DGKB: variants seen among roughly 807,000 people sequenced by gnomAD.
The protein encoded by DGKB is 90 kDa diacylglycerol kinase.
Under a neutral mutation model 114.3 loss-of-function variants are expected in DGKB, and 67 were observed. The observed-to-expected ratio is 0.59, with a 90% CI of 0.48 to 0.72. The LOEUF is 0.72. DGKB is among the 30% of genes least tolerant of loss of function. The probability of loss-of-function intolerance (pLI) is 0.00; values close to 1 mark genes in which losing one functional copy is unlikely to be tolerated. For synonymous variants in DGKB, 398 were observed against 323.1 expected, an observed-to-expected ratio of 1.23 and a Z score of -2.49; for missense variants, 907 against 975.2, an observed-to-expected ratio of 0.93 and a Z score of 0.93.
At chr7:14,393,021 C>T (rs190561223) in intron 21 of DGKB, among the ~76,000 whole-genome samples, 1,274 of 4,266 alleles carry the variant, frequency 0.3, 71 homozygotes, top group Admixed American at 0.44. Context: ...GACGGAGTCT[C>T]GCTATCGCCC....
intron 1 of DGKB, among the ~76,000 whole-genome samples, chr7:14,964,452 A>G (rs1470038325): frequency 1.3e-5 from 2 of 152,184 alleles, no homozygotes; most frequent in Non-Finnish European, 2.9e-5. Flanking sequence ...GTGAGCTAAG[A>G]TCGCACCATT....
At chr7:14,789,412 T>C (rs1037441382) in intron 2 of DGKB, among the ~76,000 whole-genome samples, 4 of 152,160 alleles carry the variant, frequency 2.6e-5, no homozygotes, top group Admixed American at 6.5e-5. Flanking sequence ...GTTGTTGCAT[T>C]TATTATTGAT....
chr7:14,764,545 C>T (rs1311628613), intron 2 of DGKB, among the ~76,000 whole-genome samples: 1 of 151,820 alleles, frequency 6.6e-6, no homozygotes, highest in African/African-American at 2.4e-5. Flanking sequence ...ATTTAATTAG[C>T]CTACATCTCC....
At chr7:14,772,467 A>G (rs780563290) in intron 2 of DGKB, among the ~76,000 whole-genome samples, 4 of 152,236 alleles carry the variant, frequency 2.6e-5, no homozygotes, top group Non-Finnish European at 5.9e-5. Flanking sequence ...CACATTGGAT[A>G]GTAAAAATGT....
chr7:14,239,945 A>C (rs1213027964), intron 23 of DGKB, among the ~76,000 whole-genome samples: 1 of 152,078 alleles, frequency 6.6e-6, no homozygotes, highest in African/African-American at 2.4e-5. Context: ...TCCTTAAAGG[A>C]ATATACTTTA....
At chr7:14,537,410 A>G (rs1204677082) in intron 20 of DGKB, among the ~76,000 whole-genome samples, 1 of 152,162 alleles carries the variant, frequency 6.6e-6, no homozygotes, top group East Asian at 1.9e-4. Context: ...AGTAATCACG[A>G]TAGTCTAGTA....
intron 23 of DGKB, among the ~76,000 whole-genome samples, chr7:14,189,863 T>A (rs1433997648): frequency 6.6e-6 from 1 of 152,076 alleles, no homozygotes; most frequent in East Asian, 1.9e-4. Context: ...ATATAACAAT[T>A]GTAAATATAT....
chr7:14,734,697 G>T (rs1001051583), intron 5 of DGKB, among the ~76,000 whole-genome samples: 3 of 151,952 alleles, frequency 2.0e-5, no homozygotes, highest in Admixed American at 1.3e-4. Context: ...CATAATAATG[G>T]GTTATTTTTT....
intron 17 of DGKB, among the ~76,000 whole-genome samples, chr7:14,587,507 C>A (rs1223188277): frequency 6.6e-6 from 1 of 152,074 alleles, no homozygotes. Flanking sequence ...AAGGCAGCAG[C>A]AGGATTTGAG....
chr7:14,974,226 G>T (rs1259761905), intron 1 of DGKB, among the ~76,000 whole-genome samples: 1 of 152,094 alleles, frequency 6.6e-6, no homozygotes, highest in Admixed American at 6.6e-5. Context: ...AACGAGTGGT[G>T]TTTGTGATGA....
chr7:14,857,544 CA>C (rs1850362360), intron 1 of DGKB, among the ~76,000 whole-genome samples: 1 of 152,066 alleles, frequency 6.6e-6, no homozygotes, highest in Non-Finnish European at 1.5e-5. Flanking sequence ...TTTGTTAAAA[CA>C]TAAAGTAATA....
chr7:14,353,608 A>G (rs1813902838), intron 21 of DGKB, among the ~76,000 whole-genome samples: 1 of 152,186 alleles, frequency 6.6e-6, no homozygotes. Context: ...ACATAAATAG[A>G]ATCATTATTT....
rs946644805 is a variant in DGKB at position 14,680,149 on chromosome 7, G to A, written c.1035+2404C>T. On this transcript the variant is annotated intron_variant, in intron 12 of 25. Coordinates refer to ENST00000402815, the MANE Select transcript of DGKB (RefSeq NM_001350709.2). ...GAGGGCAGCCTTTTTTTTTCTTTCT[G>A]ACTCTGCCTTAACTCCACCAGAGAT... Among the ~76,000 whole-genome samples, 5 of 151,286 alleles carry A rather than the reference G, an allele frequency of 3.3e-5. No homozygotes were observed. In the East Asian group the frequency reaches 9.7e-4, roughly 29 times the overall value.
intron 15 of DGKB, 116 bp downstream of exon 15, chr7:14,621,262 T>C (rs897213129): frequency 1.6e-6 from 1 of 621,612 alleles, no homozygotes. Flanking sequence ...TCTGAAAGAG[T>C]CTACTAAGCT....
chr7:14,311,893 T>C (rs1224079043), intron 23 of DGKB, among the ~76,000 whole-genome samples: 1 of 152,194 alleles, frequency 6.6e-6, no homozygotes, highest in African/African-American at 2.4e-5. Context: ...GGAATATTCC[T>C]ATTTATGACA....
chr7:14,724,543 G>T (rs1829733532), intron 5 of DGKB, among the ~76,000 whole-genome samples: 6 of 151,956 alleles, frequency 3.9e-5, no homozygotes, highest in Admixed American at 3.9e-4. Flanking sequence ...TTTGGACATT[G>T]GCAAAAACCC....
intron 23 of DGKB, among the ~76,000 whole-genome samples, chr7:14,278,752 G>A (rs2128448677): frequency 6.6e-6 from 1 of 152,094 alleles, no homozygotes; most frequent in Middle Eastern, 3.4e-3. Flanking sequence ...GAGTTAATAA[G>A]CAAAATAATA....
intron 2 of DGKB, among the ~76,000 whole-genome samples, chr7:14,806,124 C>T (rs899986350): frequency 4.6e-5 from 7 of 151,870 alleles, no homozygotes; most frequent in South Asian, 4.2e-4. Context: ...CTTCCCGCGT[C>T]GTAGGTTTGC....
intron 13 of DGKB, among the ~76,000 whole-genome samples, chr7:14,639,850 C>T (rs1811415514): frequency 1.3e-5 from 2 of 152,144 alleles, no homozygotes; most frequent in African/African-American, 4.8e-5. Flanking sequence ...TAGGAACCCA[C>T]CTAAAAGAGT....
Sources: allele counts gnomAD v4.1 joint callset (sites outside exome capture counted in the v4.1 genomes callset), GRCh38; gene constraint gnomAD v4.1.1; transcripts MANE v1.5; gene names NCBI Gene and HGNC (gene_info 2026-07-23, HGNC 2026-07-21).